The following SIPA1L3 variants were observed in gnomAD, a reference collection of about 807,000 sequenced individuals.
The protein encoded by SIPA1L3 is signal induced proliferation associated 1 like 3.
Under a neutral mutation model 150.1 loss-of-function variants are expected in SIPA1L3, and 59 were observed. The ratio of observed to expected loss-of-function variants is 0.39; its 90% CI spans 0.32 to 0.49. The LOEUF (loss-of-function observed/expected upper bound fraction) is 0.49, where lower values mean the gene tolerates loss of function less well. SIPA1L3 is among the 20% of genes least tolerant of loss of function. SIPA1L3 has a pLI of 0.86. For synonymous variants in SIPA1L3, 1,070 were observed against 1,077.6 expected (o/e 0.99, Z 0.14); for missense variants, 2,211 against 2,489.5 (o/e 0.89, Z 2.38).
At chr19:38,195,293 C>G (rs1972897767) in intron 18 of SIPA1L3, among the ~76,000 whole-genome samples, 1 of 152,160 alleles carries the variant, frequency 6.6e-6, no homozygotes. Flanking sequence ...TCCATTCCTG[C>G]TTTTTCCTGG....
chr19:37,969,232 CTG>C (rs1279140423), intron 1 of SIPA1L3, among the ~76,000 whole-genome samples: 1 of 147,666 alleles, frequency 6.8e-6, no homozygotes, highest in Non-Finnish European at 1.5e-5. Flanking sequence ...GACCCCATCT[CTG>C]TTAAAAAGAA....
intron 2 of SIPA1L3, among the ~76,000 whole-genome samples, chr19:38,064,764 T>C (rs8101892): frequency 0.37 from 56,998 of 152,200 alleles, 11,843 homozygotes; most frequent in East Asian, 0.65. Flanking sequence ...AGGGATATTC[T>C]AAGCCATGGC....
intron 1 of SIPA1L3, among the ~76,000 whole-genome samples, chr19:37,920,188 AGTT>A (rs1271444754): frequency 1.3e-5 from 2 of 151,658 alleles, no homozygotes; most frequent in East Asian, 3.9e-4. Flanking sequence ...CCTTCTGAAT[AGTT>A]GGGACTACAG....
At chr19:38,033,673 A>ATGTG (rs55896571) in intron 2 of SIPA1L3, among the ~76,000 whole-genome samples, 97 of 29,554 alleles carry the variant, frequency 3.3e-3, no homozygotes, top group East Asian at 0.015. Flanking sequence ...AGAGATACGT[A>ATGTG]TGTGTGTGTG....
At chr19:38,081,219 C>A in intron 2 of SIPA1L3, 37 bp from the exon 3 acceptor site, 1 of 406,822 alleles carries the variant, frequency 2.5e-6, no homozygotes, top group East Asian at 3.5e-5. Context: ...AGTAACACGG[C>A]CATCGCAGCT....
At chr19:38,001,821 A>G (rs1339346684) in intron 1 of SIPA1L3, among the ~76,000 whole-genome samples, 3 of 152,210 alleles carry the variant, frequency 2.0e-5, no homozygotes, top group Non-Finnish European at 4.4e-5. Context: ...GTGGCACAAT[A>G]TACATAACAA....
chr19:38,143,364 A>C (rs1971634779), intron 12 of SIPA1L3, among the ~76,000 whole-genome samples: 1 of 151,790 alleles, frequency 6.6e-6, no homozygotes, highest in East Asian at 1.9e-4. Flanking sequence ...CATCCTGTGA[A>C]TGTCCCCTTC....
At chr19:38,187,550 T>C (rs1418674966) in intron 16 of SIPA1L3, among the ~76,000 whole-genome samples, 2 of 150,946 alleles carry the variant, frequency 1.3e-5, no homozygotes, top group Non-Finnish European at 2.9e-5. Context: ...ACCCCGTCTC[T>C]ACTAAAAATA....
At chr19:38,043,010 A>T (rs1968961190) in intron 2 of SIPA1L3, among the ~76,000 whole-genome samples, 1 of 152,194 alleles carries the variant, frequency 6.6e-6, no homozygotes. Context: ...AATGCTGCCT[A>T]CATCATAATA....
At chr19:37,945,359 C>G (rs747486931) in intron 1 of SIPA1L3, among the ~76,000 whole-genome samples, 2 of 151,942 alleles carry the variant, frequency 1.3e-5, no homozygotes, top group African/African-American at 4.8e-5. Flanking sequence ...TTCAGCCTCC[C>G]GGTAGCTGGG....
chr19:38,147,480 GT>G (rs568003698), intron 12 of SIPA1L3, among the ~76,000 whole-genome samples: 1 of 149,860 alleles, frequency 6.7e-6, no homozygotes, highest in East Asian at 1.9e-4. Context: ...AGATTTTCTC[GT>G]TTTTTTTTCT....
At chr19:38,044,220 C>T (rs1048118862) in intron 2 of SIPA1L3, among the ~76,000 whole-genome samples, 17 of 152,148 alleles carry the variant, frequency 1.1e-4, no homozygotes, top group Non-Finnish European at 1.9e-4. Context: ...GAATCAGAGA[C>T]GTGGCTGAGT....
At chr19:38,076,558 A>G (rs1057370917) in intron 2 of SIPA1L3, among the ~76,000 whole-genome samples, 5 of 152,216 alleles carry the variant, frequency 3.3e-5, no homozygotes, top group African/African-American at 1.2e-4. Flanking sequence ...GCAGTAAAAA[A>G]TGATCCCTAG....
chr19:38,162,927 C>A (rs569289102), intron 14 of SIPA1L3, among the ~76,000 whole-genome samples: 1 of 152,186 alleles, frequency 6.6e-6, no homozygotes, highest in African/African-American at 2.4e-5. Context: ...GTGGCCACAC[C>A]TAGCTGCAAG....
intron 12 of SIPA1L3, among the ~76,000 whole-genome samples, chr19:38,150,738 G>A (rs1971803732): frequency 6.6e-6 from 1 of 151,612 alleles, no homozygotes; most frequent in Non-Finnish European, 1.5e-5. Context: ...ATGGGGTTTT[G>A]CCATGTTGGC....
intron 1 of SIPA1L3, among the ~76,000 whole-genome samples, chr19:37,954,501 G>A (rs1430581296): frequency 1.3e-5 from 2 of 152,134 alleles, no homozygotes; most frequent in African/African-American, 2.4e-5. Context: ...AGTGGGGAAG[G>A]AGACAGGCTG....
intron 2 of SIPA1L3, among the ~76,000 whole-genome samples, chr19:38,058,590 G>T (rs1325070159): frequency 3.3e-5 from 5 of 152,192 alleles, no homozygotes; most frequent in Non-Finnish European, 7.3e-5. Flanking sequence ...TCATCCAGGC[G>T]AAGTGGCCCT....
At chr19:38,040,847 G>T (rs1341152416) in intron 2 of SIPA1L3, among the ~76,000 whole-genome samples, 1 of 152,108 alleles carries the variant, frequency 6.6e-6, no homozygotes, top group Non-Finnish European at 1.5e-5. Context: ...TGCAAGCTCC[G>T]CCTCCTGGGT....
At chr19:38,027,934 T>C (rs571596082) in intron 1 of SIPA1L3, among the ~76,000 whole-genome samples, 2 of 152,238 alleles carry the variant, frequency 1.3e-5, no homozygotes, top group African/African-American at 4.8e-5. Flanking sequence ...TATCTTCTTC[T>C]TGGGTGATCG....
Sources: allele counts gnomAD v4.1 joint callset (sites outside exome capture counted in the v4.1 genomes callset), GRCh38; gene constraint gnomAD v4.1.1; transcripts MANE v1.5; gene names NCBI Gene and HGNC (gene_info 2026-07-23, HGNC 2026-07-21).